Variants in PPP1R9A observed in about 807,000 individuals in gnomAD.
PPP1R9A encodes neurabin-1.
PPP1R9A carries 59 observed loss-of-function variants against 141.9 expected under a neutral mutation model. The ratio of observed to expected loss-of-function variants is 0.42; its 90% confidence interval spans 0.34 to 0.52. PPP1R9A has a LOEUF of 0.52. Among genes scored for constraint, PPP1R9A ranks in the 20% least tolerant of loss-of-function variants. PPP1R9A has a pLI of 0.10. For synonymous variants in PPP1R9A, 500 were observed against 569.7 expected (o/e 0.88, Z 1.74); for missense variants, 1,444 against 1,611.9 (o/e 0.90, Z 1.78).
At chr7:94,996,499 G>A (rs139338277) in intron 2 of PPP1R9A, among the ~76,000 whole-genome samples, 32 of 152,212 alleles carry the variant, frequency 2.1e-4, no homozygotes, top group African/African-American at 7.7e-4. Flanking sequence ...TTTTACTAAT[G>A]TGATACTGAT....
chr7:95,238,798 A>G (rs140987028), intron 8 of PPP1R9A, among the ~76,000 whole-genome samples: 36 of 152,228 alleles, frequency 2.4e-4, no homozygotes, highest in African/African-American at 8.4e-4. Flanking sequence ...TGCTGAATTT[A>G]TTGTCATACT....
chr7:95,263,404 C>G (rs1045452717), intron 12 of PPP1R9A, among the ~76,000 whole-genome samples: 1 of 144,396 alleles, frequency 6.9e-6, no homozygotes, highest in Non-Finnish European at 1.5e-5. Flanking sequence ...GGAAGTATAT[C>G]TTTCCAGTTT....
intron 2 of PPP1R9A, among the ~76,000 whole-genome samples, chr7:94,977,460 C>T (rs1055359982): frequency 4.6e-5 from 7 of 151,980 alleles, no homozygotes; most frequent in Admixed American, 1.3e-4. Flanking sequence ...GCTGATGGTT[C>T]GACTAAGATG....
chr7:95,233,301 T>C (rs530912180), intron 8 of PPP1R9A, among the ~76,000 whole-genome samples: 1 of 150,802 alleles, frequency 6.6e-6, no homozygotes, highest in Non-Finnish European at 1.5e-5. Flanking sequence ...TTCTCACTCA[T>C]AAGTGGGAGT....
intron 5 of PPP1R9A, among the ~76,000 whole-genome samples, chr7:95,172,777 T>C (rs1483492895): frequency 6.6e-6 from 1 of 151,898 alleles, no homozygotes; most frequent in African/African-American, 2.4e-5. Context: ...GATGTTATTG[T>C]TAAAAAAAAT....
chr7:94,927,273 C>A (rs1272255133), intron 2 of PPP1R9A, among the ~76,000 whole-genome samples: 1 of 151,980 alleles, frequency 6.6e-6, no homozygotes, highest in Non-Finnish European at 1.5e-5. Flanking sequence ...TGATAATATC[C>A]TCTTTATTTA....
chr7:94,970,779 A>G (rs1384547585), intron 2 of PPP1R9A, among the ~76,000 whole-genome samples: 1 of 151,738 alleles, frequency 6.6e-6, no homozygotes, highest in African/African-American at 2.4e-5. Flanking sequence ...GGGACTACTT[A>G]ATTTTACATT....
intron 4 of PPP1R9A, among the ~76,000 whole-genome samples, chr7:95,128,446 T>C (rs1823965036): frequency 6.6e-6 from 1 of 152,230 alleles, no homozygotes; most frequent in Non-Finnish European, 1.5e-5. Context: ...GCAAATATTT[T>C]CTCCCATTCT....
chr7:94,955,743 T>G (rs1347058306), intron 2 of PPP1R9A, among the ~76,000 whole-genome samples: 1 of 152,168 alleles, frequency 6.6e-6, no homozygotes, highest in African/African-American at 2.4e-5. Context: ...TTGTGATAAC[T>G]TGAATGACTA....
At chr7:95,058,860 A>C (rs1811838083) in intron 2 of PPP1R9A, among the ~76,000 whole-genome samples, 1 of 151,628 alleles carries the variant, frequency 6.6e-6, no homozygotes, top group Non-Finnish European at 1.5e-5. Context: ...CATGATCTCA[A>C]CTCACTGCAA....
At chr7:95,199,409 A>T (rs1789029059) in intron 6 of PPP1R9A, among the ~76,000 whole-genome samples, 2 of 152,176 alleles carry the variant, frequency 1.3e-5, no homozygotes, top group Admixed American at 6.5e-5. Flanking sequence ...ACCCCTTCTT[A>T]TCTGAATATA....
intron 14 of PPP1R9A, 70 bp from the exon 15 acceptor site, chr7:95,273,829 G>A (rs1257087225): frequency 7.6e-7 from 1 of 1,315,778 alleles, no homozygotes; most frequent in Non-Finnish European, 1.0e-6. Flanking sequence ...ATTCAGAGAT[G>A]CATTGACTTT....
intron 2 of PPP1R9A, among the ~76,000 whole-genome samples, chr7:95,075,144 C>A (rs1041947344): frequency 2.0e-5 from 3 of 152,060 alleles, no homozygotes; most frequent in African/African-American, 7.2e-5. Context: ...GACTTCTCTT[C>A]CTTTATAGTC....
intron 4 of PPP1R9A, among the ~76,000 whole-genome samples, chr7:95,139,486 GC>G (rs2152563229): frequency 6.6e-6 from 1 of 152,182 alleles, no homozygotes; most frequent in Admixed American, 6.5e-5. Flanking sequence ...TTGTGCTTTT[GC>G]CTCATGTCTT....
At chr7:95,092,386 G>A (rs962884208) in intron 2 of PPP1R9A, among the ~76,000 whole-genome samples, 6 of 138,080 alleles carry the variant, frequency 4.3e-5, no homozygotes, top group Non-Finnish European at 7.9e-5. Context: ...TCTCTGTGTT[G>A]CATTTTTATG....
At chr7:95,215,173 A>C (rs1049561301) in intron 7 of PPP1R9A, among the ~76,000 whole-genome samples, 225 of 122,330 alleles carry the variant, frequency 1.8e-3, no homozygotes, top group Middle Eastern at 0.012. Flanking sequence ...TCCTGTGTCC[A>C]AGTGTTCTCA....
chr7:95,180,392 G>T (rs1430010066), intron 5 of PPP1R9A, among the ~76,000 whole-genome samples: 1 of 151,936 alleles, frequency 6.6e-6, no homozygotes, highest in Non-Finnish European at 1.5e-5. Context: ...ATGGATTAAG[G>T]ACTTTAAGAG....
At chr7:94,960,497 A>G (rs1034565181) in intron 2 of PPP1R9A, among the ~76,000 whole-genome samples, 7 of 151,720 alleles carry the variant, frequency 4.6e-5, no homozygotes, top group African/African-American at 1.7e-4. Flanking sequence ...AATAAAATGA[A>G]GAGAAAGCTC....
At chr7:95,150,096 A>G (rs1828379638) in intron 4 of PPP1R9A, among the ~76,000 whole-genome samples, 2 of 151,630 alleles carry the variant, frequency 1.3e-5, no homozygotes, top group South Asian at 4.2e-4. Flanking sequence ...AAAGCAATAC[A>G]TTAGAGAAAA....
Sources: allele counts gnomAD v4.1 joint callset (sites outside exome capture counted in the v4.1 genomes callset), GRCh38; gene constraint gnomAD v4.1.1; transcripts MANE v1.5; gene names NCBI Gene and HGNC (gene_info 2026-07-23, HGNC 2026-07-21).